The following ATF7IP variants were observed in gnomAD, a reference collection of about 807,000 sequenced individuals.
ATF7IP encodes activating transcription factor 7-interacting protein 1.
ATF7IP carries 23 observed loss-of-function variants against 106.4 expected under a neutral mutation model. That is an observed-to-expected ratio of 0.22 (90% CI 0.16 to 0.31). The LOEUF is 0.31. Ranked by LOEUF, ATF7IP falls within the 10% of genes least tolerant of loss-of-function variation. ATF7IP has a pLI of 1.00. For missense variants in ATF7IP, 1,334 were observed against 1,524.3 expected (o/e 0.88, Z 2.08); for synonymous variants, 542 against 539.0 (o/e 1.01, Z -0.08).
intron 13 of ATF7IP, among the ~76,000 whole-genome samples, chr12:14,484,739 T>A (rs934492509): frequency 5.9e-5 from 9 of 152,190 alleles, no homozygotes; most frequent in African/African-American, 2.2e-4. Flanking sequence ...AGTGGAGATA[T>A]GGGCATTTGA....
chr12:14,446,875 C>G (rs1169609469), intron 5 of ATF7IP, 113 bp from the exon 6 acceptor site: 3 of 682,768 alleles, frequency 4.4e-6, no homozygotes, highest in Non-Finnish European at 6.8e-6. Context: ...ACTCAGCTAT[C>G]TTCTGAGGAT....
At chr12:14,401,060 T>C (rs1940163134) in intron 1 of ATF7IP, among the ~76,000 whole-genome samples, 1 of 152,218 alleles carries the variant, frequency 6.6e-6, no homozygotes, top group Non-Finnish European at 1.5e-5. Context: ...AACTTGTGGT[T>C]ACTTGTAGTA....
intron 1 of ATF7IP, among the ~76,000 whole-genome samples, chr12:14,389,262 G>A (rs1427155055): frequency 2.0e-5 from 3 of 152,094 alleles, no homozygotes; most frequent in African/African-American, 7.2e-5. Context: ...TTATATATTC[G>A]TTTTTGTAGT....
intron 6 of ATF7IP, among the ~76,000 whole-genome samples, chr12:14,447,574 A>G (rs933021112): frequency 6.6e-6 from 1 of 151,936 alleles, no homozygotes; most frequent in African/African-American, 2.4e-5. Flanking sequence ...AGCCATTGTG[A>G]CTGGCCCCTT....
intron 1 of ATF7IP, among the ~76,000 whole-genome samples, chr12:14,392,995 A>G (rs891554032): frequency 6.6e-6 from 1 of 152,234 alleles, no homozygotes; most frequent in Non-Finnish European, 1.5e-5. Flanking sequence ...GCAGTGAGCT[A>G]GATCAACAGT....
intron 1 of ATF7IP, chr12:14,385,363 G>C (rs1347715789): frequency 1.3e-6 from 2 of 1,533,494 alleles, no homozygotes; most frequent in Non-Finnish European, 1.7e-6. Context: ...CAGCAAGTAT[G>C]TCAGTGAGGA....
At chr12:14,464,981 T>C (rs1284991109) in intron 9 of ATF7IP, among the ~76,000 whole-genome samples, 1 of 152,188 alleles carries the variant, frequency 6.6e-6, no homozygotes, top group Non-Finnish European at 1.5e-5. Flanking sequence ...TTTGGGAGGC[T>C]GAAGCAGGTG....
Position 14,434,391 on chromosome 12 carries a change from T to C in ATF7IP, c.1613T>C (p.Ile538Thr). The change falls in exon 3 of 15, where the codon ATA (isoleucine) becomes ACA (threonine). Residue 538 changes from isoleucine to threonine, a missense_variant. Coordinates refer to ENST00000261168, the MANE Select transcript of ATF7IP (RefSeq NM_018179.5). ...AAACCTGAGGAAGAAGAGCAAGTAA[T>C]ACATGAAGATGATGAAAGACCTTCT... ...DNKPEEEEQV[I>T]HEDDERPSEK... The C allele has an allele frequency of 1.9e-6, 3 of 1,591,694 alleles. No individual in the cohort carries two copies. Among genetic ancestry groups the C allele is most frequent in the Non-Finnish European group, 2.6e-6 (3 of 1,162,252 alleles).
chr12:14,448,363 C>G lies in ATF7IP; in HGVS notation c.1995+1310C>G, dbSNP rs1431294424. ...AGTTTACAGACTTAACAGTTTCTAC[C>G]AGTTTTTACATGTGTATTTAAAAAT... On this transcript the variant is annotated intron_variant, in intron 6 of 14. Coordinates refer to ENST00000261168, the MANE Select transcript of ATF7IP (RefSeq NM_018179.5). Among the ~76,000 whole-genome samples the G allele has an allele frequency of 2.0e-5, 3 of 152,158 alleles. No individual in the cohort carries two copies. The East Asian group carries it at 5.8e-4, about 29-fold the overall frequency.
chr12:14,433,264 T>C (rs533808651), intron 2 of ATF7IP, among the ~76,000 whole-genome samples: 1 of 152,056 alleles, frequency 6.6e-6, no homozygotes, highest in South Asian at 2.1e-4. Context: ...CTCAGCACTT[T>C]GGGAGGCTGA....
chr12:14,434,389 A>T lies in ATF7IP; in HGVS notation c.1611A>T (p.Val537=). ...KDNKPEEEEQ[V]IHEDDERPSE... Reference sequence around the variant, plus strand: ...ACAAACCTGAGGAAGAAGAGCAAGTAATACATGAAGATGATGAAAGACCTT... The same window carrying T: ...ACAAACCTGAGGAAGAAGAGCAAGTTATACATGAAGATGATGAAAGACCTT... The change falls in exon 3 of 15, where the codon GTA becomes GTT. Residue 537 remains valine (V), a synonymous_variant. Coordinates refer to ENST00000261168, the MANE Select transcript of ATF7IP (RefSeq NM_018179.5). 1 of 1,593,422 alleles carries T rather than the reference A, an allele frequency of 6.3e-7. No homozygotes were observed.
intron 1 of ATF7IP, among the ~76,000 whole-genome samples, chr12:14,370,104 AT>A (rs1441616141): frequency 6.6e-6 from 1 of 151,936 alleles, no homozygotes; most frequent in African/African-American, 2.4e-5. Flanking sequence ...TGCCCGGCTA[AT>A]TTTGTATTTT....
chr12:14,497,062 C>A (rs1239521887), intron 14 of ATF7IP, among the ~76,000 whole-genome samples: 1 of 152,136 alleles, frequency 6.6e-6, no homozygotes, highest in Non-Finnish European at 1.5e-5. Flanking sequence ...TGCCTTTGCT[C>A]ATGCTTTATT....
chr12:14,377,975 GAAACTGTGT>G (rs780517868), intron 1 of ATF7IP, among the ~76,000 whole-genome samples: 39 of 152,012 alleles, frequency 2.6e-4, no homozygotes, highest in Admixed American at 7.2e-4. Context: ...GATTCTTATG[GAAACTGTGT>G]AAACTGAGTC....
At chr12:14,433,601 C>T (rs1360172764) in intron 2 of ATF7IP, among the ~76,000 whole-genome samples, 1 of 150,626 alleles carries the variant, frequency 6.6e-6, no homozygotes, top group African/African-American at 2.4e-5. Context: ...ACCCGGGAGG[C>T]GGAGGTTGCA....
At chr12:14,436,714 TAAATA>T (rs1368634365) in intron 4 of ATF7IP, among the ~76,000 whole-genome samples, 1 of 151,562 alleles carries the variant, frequency 6.6e-6, no homozygotes, top group Non-Finnish European at 1.5e-5. Context: ...AATAAATAAA[TAAATA>T]AGTCTATTAC....
At chr12:14,451,553 ATATTT>A (rs1943203688) in intron 6 of ATF7IP, among the ~76,000 whole-genome samples, 1 of 149,098 alleles carries the variant, frequency 6.7e-6, no homozygotes, top group Admixed American at 6.7e-5. Context: ...ACAATTTATT[ATATTT>A]TGTTTTCATT....
intron 1 of ATF7IP, among the ~76,000 whole-genome samples, chr12:14,381,230 C>T (rs1043236258): frequency 1.3e-5 from 2 of 151,992 alleles, no homozygotes; most frequent in Admixed American, 6.6e-5. Flanking sequence ...TACAACTGGT[C>T]GTGCTTATTT....
In ATF7IP at chr12:14,466,537, A is replaced by G. The variant is rs763778951; in HGVS notation, c.2809A>G (p.Asn937Asp). 1 of 1,600,198 alleles carries G rather than the reference A, an allele frequency of 6.2e-7. No homozygotes were observed. The highest frequency in any genetic ancestry group is 1.8e-5 in the Admixed American group (1 of 56,454). ...NTTPRIENQT[N>D]KTIDASVSKK... is the part of the protein sequence containing the mutation. ...TTTTTACTTTTCAGAAAACCAGACAAACAAAACAATAGATGCTTCTGTCAG... is the reference window on the plus strand; with the variant it reads ...TTTTTACTTTTCAGAAAACCAGACAGACAAAACAATAGATGCTTCTGTCAG... The change falls in exon 10 of 15, where the codon AAC becomes GAC. Residue 937 changes from asparagine to aspartate, a missense_variant. This residue lies in a region of ATF7IP where 370 missense variants were observed against 401.2 expected (regional missense o/e 0.92). Coordinates refer to ENST00000261168, the MANE Select transcript of ATF7IP (RefSeq NM_018179.5).
Sources: allele counts gnomAD v4.1 joint callset (sites outside exome capture counted in the v4.1 genomes callset), GRCh38; gene constraint gnomAD v4.1.1; regional missense constraint gnomAD v4.1.1; transcripts MANE v1.5; gene names NCBI Gene and HGNC (gene_info 2026-07-23, HGNC 2026-07-21).